UNC5B: variants seen among roughly 807,000 people sequenced by gnomAD.
UNC5B encodes the protein unc-5 netrin receptor B, also known as netrin receptor UNC5B.
A neutral mutation model predicts 103.7 loss-of-function variants in UNC5B; 56 were observed. The observed-to-expected ratio is 0.54, with a 90% CI of 0.44 to 0.67. The LOEUF (loss-of-function observed/expected upper bound fraction) is 0.67. UNC5B is among the 30% of genes least tolerant of loss of function. The pLI is 0.00. For missense variants in UNC5B, 1,194 were observed against 1,284.5 expected (o/e 0.93, Z 1.08); for synonymous variants, 577 against 542.0 (o/e 1.06, Z -0.90).
At chr10:71,266,520 C>A (rs575463860) in intron 1 of UNC5B, among the ~76,000 whole-genome samples, 1 of 152,170 alleles carries the variant, frequency 6.6e-6, no homozygotes, top group Non-Finnish European at 1.5e-5. Context: ...GGAGCAGGGA[C>A]GGGCGTCCCT....
chr10:71,289,680 C>A (rs1447131495), intron 8 of UNC5B, among the ~76,000 whole-genome samples: 1 of 152,242 alleles, frequency 6.6e-6, no homozygotes, highest in Non-Finnish European at 1.5e-5. Context: ...GTGTAAGTCA[C>A]CAGGCAAGTG....
rs565001137 is a variant in UNC5B, at chr10:71,300,585, G to A, written c.*1308G>A. 2 of 152,502 alleles carry A rather than the reference G, an allele frequency of 1.3e-5. No individual in the cohort carries two copies. The highest frequency in any genetic ancestry group is 3.8e-4 in the East Asian group (2 of 5,196). 9.4% of individuals were successfully genotyped at this position (152,502 alleles called of 1,614,324 possible). A position where few individuals can be genotyped will look rare whatever the true frequency, so the allele number is the denominator to read the frequency against. On this transcript the variant is annotated 3_prime_UTR_variant, in exon 17 of 17. Transcript: ENST00000335350. ...CCCTCATCCCCTCCTCAGCCCAGCA[G>A]CCTCTAGAGCAGCGTGGTGCTCTCT...
At chr10:71,286,628 C>A in intron 4 of UNC5B, 61 bp from the exon 5 acceptor site, 3 of 1,596,214 alleles carry the variant, frequency 1.9e-6, no homozygotes, top group Non-Finnish European at 1.7e-6. Flanking sequence ...AACTGCCCTT[C>A]TTCTGTTTAT....
intron 14 of UNC5B, 146 bp downstream of exon 14, chr10:71,296,106 A>G: frequency 8.2e-7 from 1 of 1,224,938 alleles, no homozygotes; most frequent in South Asian, 1.5e-5. Flanking sequence ...CTCCCACCCC[A>G]GTCTCTAGGC....
chr10:71,220,467 A>G (rs1843430719), intron 1 of UNC5B, among the ~76,000 whole-genome samples: 1 of 152,034 alleles, frequency 6.6e-6, no homozygotes, highest in Admixed American at 6.6e-5. Flanking sequence ...CTTTCCACAC[A>G]CACCTCTCCC....
intron 14 of UNC5B, among the ~76,000 whole-genome samples, chr10:71,296,363 CT>C (rs1369645864): frequency 1.3e-5 from 2 of 152,176 alleles, no homozygotes; most frequent in Non-Finnish European, 2.9e-5. Context: ...ACACCTGTGC[CT>C]TTCCCTCCCC....
At chr10:71,286,539 C>T in intron 4 of UNC5B, 150 bp from the exon 5 acceptor site, 1 of 1,013,988 alleles carries the variant, frequency 9.9e-7, no homozygotes, top group South Asian at 1.6e-5. Flanking sequence ...CTCTTAACCC[C>T]AGAGCTGTAC....
At chr10:71,221,342 A>G (rs1843448688) in intron 1 of UNC5B, among the ~76,000 whole-genome samples, 1 of 151,892 alleles carries the variant, frequency 6.6e-6, no homozygotes, top group Non-Finnish European at 1.5e-5. Context: ...CTTGTCACCC[A>G]CTCCGAAGCT....
At chr10:71,222,882 T>G (rs1843479232) in intron 1 of UNC5B, among the ~76,000 whole-genome samples, 1 of 152,210 alleles carries the variant, frequency 6.6e-6, no homozygotes, top group Admixed American at 6.5e-5. Flanking sequence ...CCTGCCTGGC[T>G]GGGGACCTGG....
chr10:71,251,050 G>A (rs1340905645), intron 1 of UNC5B, among the ~76,000 whole-genome samples: 6 of 152,206 alleles, frequency 3.9e-5, no homozygotes, highest in Admixed American at 3.9e-4. Flanking sequence ...AATTAGTGAT[G>A]TCTGTCATGG....
intron 1 of UNC5B, among the ~76,000 whole-genome samples, chr10:71,220,744 G>A (rs1285532461): frequency 6.6e-6 from 1 of 152,184 alleles, no homozygotes; most frequent in East Asian, 1.9e-4. Context: ...GGGCCTGTTG[G>A]CATGCAGCCT....
chr10:71,234,883 C>G (rs1157394883), intron 1 of UNC5B, among the ~76,000 whole-genome samples: 1 of 152,176 alleles, frequency 6.6e-6, no homozygotes, highest in African/African-American at 2.4e-5. Context: ...CTGAACACAT[C>G]AGGGAGACTC....
At chr10:71,265,392 G>A (rs1844501392) in intron 1 of UNC5B, among the ~76,000 whole-genome samples, 1 of 152,158 alleles carries the variant, frequency 6.6e-6, no homozygotes, top group Non-Finnish European at 1.5e-5. Flanking sequence ...GGGTGTCTGG[G>A]ATGGACATTT....
At chr10:71,259,903 G>A (rs1844375672) in intron 1 of UNC5B, among the ~76,000 whole-genome samples, 1 of 152,180 alleles carries the variant, frequency 6.6e-6, no homozygotes, top group Non-Finnish European at 1.5e-5. Flanking sequence ...GACTGGATAG[G>A]GGCAGCTCGG....
Position 71,285,332 on chromosome 10 carries a change from G to T in UNC5B, c.455G>T (p.Arg152Leu). The change falls in exon 4 of 17, where the codon CGC (arginine) becomes CTC (leucine). Residue 152 changes from arginine to leucine, a missense_variant. Coordinates refer to ENST00000335350, the MANE Select transcript of UNC5B (RefSeq NM_170744.5). ...ACCCTCTCGCTTCTCCCAGACCTGC[G>T]CAAGAACTTCGATCAGGAGCCTCTG... ...RRAYVRIAYL[R>L]KNFDQEPLGK... 2 of 1,609,946 alleles carry T rather than the reference G, an allele frequency of 1.2e-6. No individual in the cohort carries two copies. Among genetic ancestry groups the T allele is most frequent in the Middle Eastern group, 1.7e-4 (1 of 6,052 alleles).
rs1033389310 is a variant in UNC5B, at chr10:71,247,217, A to G, written c.80-32604A>G. Among the ~76,000 whole-genome samples, 6 of 152,324 alleles carry G rather than the reference A, an allele frequency of 3.9e-5. No homozygotes were observed. The East Asian group carries it at 5.8e-4, about 15-fold the overall frequency. On this transcript the variant is annotated intron_variant, in intron 1 of 16. Coordinates refer to ENST00000335350, the MANE Select transcript of UNC5B (RefSeq NM_170744.5). ...TGAGACAATAGGATAGTAAAGGCCT[A>G]TCCCTGCCCTGAAGGTGCCTATGGA...
At chr10:71,272,666 G>A (rs1264234325) in intron 1 of UNC5B, among the ~76,000 whole-genome samples, 3 of 152,210 alleles carry the variant, frequency 2.0e-5, no homozygotes, top group African/African-American at 7.2e-5. Context: ...TTGCTGTGTG[G>A]TGTTGCATTA....
intron 1 of UNC5B, among the ~76,000 whole-genome samples, chr10:71,216,819 G>C (rs959689749): frequency 6.6e-6 from 1 of 152,202 alleles, no homozygotes; most frequent in Admixed American, 6.5e-5. Context: ...GATGGGCTGG[G>C]GGGAGATGGA....
At chr10:71,286,278 G>A (rs1845077493) in intron 4 of UNC5B, among the ~76,000 whole-genome samples, 2 of 152,150 alleles carry the variant, frequency 1.3e-5, no homozygotes, top group Non-Finnish European at 2.9e-5. Flanking sequence ...CACCTCCCAG[G>A]CTTTTCTTCC....
Sources: gnomAD v4.1 joint callset for allele counts (sites outside exome capture counted in the v4.1 genomes callset) on GRCh38, gnomAD v4.1.1 for gene constraint, MANE v1.5 for transcripts, NCBI Gene and HGNC (gene_info 2026-07-23, HGNC 2026-07-21) for gene names.